Variants in CCNY observed in about 807,000 individuals in gnomAD.
The protein encoded by CCNY is cyclin Y, also known as cyclin-Y.
A neutral mutation model predicts 42.8 loss-of-function variants in CCNY; 19 were observed. That is an observed-to-expected ratio of 0.44 (90% CI 0.31 to 0.65). CCNY has a LOEUF of 0.65. Among genes scored for constraint, CCNY ranks in the 30% least tolerant of loss-of-function variants. CCNY has a pLI of 0.07. For missense variants in CCNY, 370 were observed against 437.3 expected (o/e 0.85, Z 1.37); for synonymous variants, 165 against 162.7 (o/e 1.01, Z -0.11).
chr10:35,454,706 T>C, intron 1 of CCNY, among the ~76,000 whole-genome samples: 1 of 152,226 alleles, frequency 6.6e-6, no homozygotes, highest in Admixed American at 6.5e-5. Flanking sequence ...ATAGCATCCT[T>C]AGTAAGCCTG....
intron 9 of CCNY, among the ~76,000 whole-genome samples, chr10:35,568,085 G>A (rs1393785399): frequency 6.6e-6 from 1 of 152,158 alleles, no homozygotes; most frequent in African/African-American, 2.4e-5. Context: ...GAGACAAGCC[G>A]GAGCTCCTGG....
intron 3 of CCNY, among the ~76,000 whole-genome samples, chr10:35,277,456 C>T (rs188060582): frequency 5.3e-5 from 8 of 152,178 alleles, no homozygotes; most frequent in South Asian, 2.1e-4. Context: ...CAACCTTCTC[C>T]GAGCCTCTGC....
In CCNY at chr10:35,483,456, C is replaced by T; in HGVS notation, c.207C>T (p.Phe69=). ...ATCATCCTCGGGCCAGCACAATATTCCTCAGTAAATCTCAGACGGACGGTA... is the reference window on the plus strand; with the variant it reads ...ATCATCCTCGGGCCAGCACAATATTTCTCAGTAAATCTCAGACGGACGGTA... ...PSDHPRASTI[F]LSKSQTDVRE... is the part of the protein sequence containing the mutation. The change falls in exon 2 of 10, where the codon TTC becomes TTT. Residue 69 remains phenylalanine (F), a synonymous_variant. Coordinates refer to ENST00000374704, the MANE Select transcript of CCNY (RefSeq NM_145012.6). 9 of 1,608,598 alleles carry T rather than the reference C, an allele frequency of 5.6e-6. No individual in the cohort carries two copies. The highest frequency in any genetic ancestry group is 7.7e-6 in the Non-Finnish European group (9 of 1,175,744).
At chr10:35,519,212 G>T (rs1482343810) in intron 4 of CCNY, among the ~76,000 whole-genome samples, 1 of 151,672 alleles carries the variant, frequency 6.6e-6, no homozygotes, top group East Asian at 1.9e-4. Flanking sequence ...GAGGCATACT[G>T]TGGGTATTTG....
rs966347390 is a variant in CCNY, at chr10:35,428,567, A to G, written c.155-54837A>G. The stretch of plus-strand genomic sequence containing the variant: ...GGTATTTTTACTTAGAGGAGTGAGA[A>G]GCCATTGAAGGGGTTTAAGCAAGGG... On this transcript the variant is annotated intron_variant, in intron 1 of 9. Coordinates refer to ENST00000374704, the MANE Select transcript of CCNY (RefSeq NM_145012.6). 1.1e-4 allele frequency among the ~76,000 whole-genome samples: 16 copies of G among 152,218 alleles called. No individual in the cohort carries two copies. The East Asian group carries it at 2.9e-3, about 28-fold the overall frequency.
At chr10:35,259,528 A>G (rs2095718007) in intron 3 of CCNY, among the ~76,000 whole-genome samples, 1 of 115,790 alleles carries the variant, frequency 8.6e-6, no homozygotes, top group African/African-American at 3.3e-5. Context: ...TTTGAGACAG[A>G]GTCTTGCTCT....
At chr10:35,490,545 G>A (rs1212425402) in intron 2 of CCNY, among the ~76,000 whole-genome samples, 1 of 152,194 alleles carries the variant, frequency 6.6e-6, no homozygotes, top group Admixed American at 6.5e-5. Flanking sequence ...CTGCACTGCT[G>A]CCCTCGCTGC....
At chr10:35,469,639 G>C (rs1839344259) in intron 1 of CCNY, among the ~76,000 whole-genome samples, 1 of 151,608 alleles carries the variant, frequency 6.6e-6, no homozygotes, top group Admixed American at 6.6e-5. Context: ...GGGAGATGGA[G>C]AGTCAGACAG....
At chr10:35,561,935 CAT>C (rs1435953993) in intron 8 of CCNY, among the ~76,000 whole-genome samples, 2 of 152,220 alleles carry the variant, frequency 1.3e-5, no homozygotes, top group Non-Finnish European at 2.9e-5. Flanking sequence ...AGGCAGACCT[CAT>C]GTGGGAAGAT....
intron 3 of CCNY, among the ~76,000 whole-genome samples, chr10:35,284,710 T>C (rs543636240): frequency 1.3e-4 from 20 of 152,242 alleles, no homozygotes; most frequent in African/African-American, 4.3e-4. Flanking sequence ...GCTCAGGCTA[T>C]TGATTTAAGA....
chr10:35,556,223 A>G (rs1187995998), intron 8 of CCNY, among the ~76,000 whole-genome samples: 1 of 152,174 alleles, frequency 6.6e-6, no homozygotes, highest in Non-Finnish European at 1.5e-5. Context: ...TGATGTTTCT[A>G]AAAGGTCTGA....
At position 35,391,723 on chromosome 10, in the gene CCNY, A is replaced by G. The variant is rs115965834; in HGVS notation, c.154+54516A>G. ...GATGGCGGCAAGGATAGACAAGCTC[A>G]TGCTTGGAAGGAGCCTGGGATCAAG... On this transcript the variant is annotated intron_variant, in intron 1 of 9. Transcript: ENST00000374704. 7.1e-3 allele frequency among the ~76,000 whole-genome samples: 1,079 copies of G among 152,272 alleles called. 10 individuals carry two copies. The highest frequency in any genetic ancestry group is 0.024 in the African/African-American group (1,018 of 41,556).
chr10:35,303,804 GGAAGGAAGGAAGGAAGGAAA>G (rs1160217695), intron 3 of CCNY, among the ~76,000 whole-genome samples: 13 of 144,222 alleles, frequency 9.0e-5, no homozygotes, highest in Non-Finnish European at 1.5e-4. Context: ...AAAAAAAGAG[GGAAGGAAGGAAGGAAGGAAA>G]GAAGGAAGGA....
At chr10:35,259,536 T>G (rs534501482) in intron 3 of CCNY, among the ~76,000 whole-genome samples, 1 of 139,322 alleles carries the variant, frequency 7.2e-6, no homozygotes, top group South Asian at 2.5e-4. Context: ...AGAGTCTTGC[T>G]CTGTCACCCA....
chr10:35,506,035 A>C (rs980184747), intron 3 of CCNY, among the ~76,000 whole-genome samples: 3 of 152,264 alleles, frequency 2.0e-5, no homozygotes, highest in African/African-American at 7.2e-5. Context: ...CAAGTAATAC[A>C]GTGAGCTACA....
At chr10:35,549,737 G>A (rs79977310) in intron 7 of CCNY, among the ~76,000 whole-genome samples, 56 of 121,976 alleles carry the variant, frequency 4.6e-4, no homozygotes, top group Middle Eastern at 5.3e-3. Flanking sequence ...GCTGCTCATG[G>A]CCCATGACCC....
At chr10:35,533,315 A>G (rs1386360614) in intron 7 of CCNY, among the ~76,000 whole-genome samples, 1 of 151,984 alleles carries the variant, frequency 6.6e-6, no homozygotes, top group Non-Finnish European at 1.5e-5. Context: ...CTCACTTTGC[A>G]CGCTCCTCTG....
chr10:35,269,997 A>G (rs1203849928), intron 3 of CCNY, among the ~76,000 whole-genome samples: 4 of 152,170 alleles, frequency 2.6e-5, no homozygotes, highest in Admixed American at 2.6e-4. Flanking sequence ...ACTTTTGAAC[A>G]TATGACCTTT....
intron 1 of CCNY, among the ~76,000 whole-genome samples, chr10:35,373,413 G>C (rs1197067974): frequency 6.6e-6 from 1 of 152,208 alleles, no homozygotes; most frequent in Non-Finnish European, 1.5e-5. Context: ...ATGGTGAGTG[G>C]TGGAGGAGTG....
Sources: allele counts gnomAD v4.1 joint callset (sites outside exome capture counted in the v4.1 genomes callset), GRCh38; gene constraint gnomAD v4.1.1; transcripts MANE v1.5; gene names NCBI Gene and HGNC (gene_info 2026-07-23, HGNC 2026-07-21).